Variants in FLNA observed in about 807,000 individuals in gnomAD.
FLNA encodes the protein filamin A.
FLNA carries 7 observed loss-of-function variants against 157.6 expected under a neutral mutation model. That is an observed-to-expected ratio of 0.04 (90% CI 0.03 to 0.08). FLNA has a LOEUF of 0.08. Among genes scored for constraint, FLNA ranks in the 10% least tolerant of loss-of-function variants. The probability of loss-of-function intolerance (pLI) is 1.00; values close to 1 mark genes in which losing one functional copy is unlikely to be tolerated. For synonymous variants in FLNA, 1,103 were observed against 1,060.8 expected, an observed-to-expected ratio of 1.04 and a Z score of -0.77; for missense variants, 1,750 against 2,398.4, an observed-to-expected ratio of 0.73 and a Z score of 5.65.
chrX:154,363,417 CAAA>C (rs1267624154), intron 15 of FLNA, among the ~76,000 whole-genome samples: 1 of 67,080 alleles, frequency 1.5e-5, no homozygotes, highest in African/African-American at 5.7e-5. Flanking sequence ...AACTCCGGCT[CAAA>C]AAAAAAAAAC....
chrX:154,355,162 C>G (rs1317564277), intron 30 of FLNA, 90 bp from the exon 31 acceptor site: 1 of 987,522 alleles, frequency 1.0e-6, no homozygotes, highest in Non-Finnish European at 1.4e-6. Context: ...ACACAGGCCT[C>G]TCATTGCCAC....
Position 154,364,697 on chromosome X carries a change from C to T in FLNA, c.1851G>A (p.Ser617=), listed in dbSNP as rs782587128. Residue 617 remains serine, a synonymous_variant, in exon 13 of 48, where the codon TCG becomes TCA. Transcript: ENST00000369850. ...TGTCGTCACATTCGATCTTAGCCTG[C>T]GATGGCCCTTCCACCGAGAAGCCTG... ...GTLGFSVEGP[S]QAKIECDDKG... The T allele has an allele frequency of 7.5e-6, 9 of 1,207,425 alleles. No homozygotes were observed. In the South Asian group the frequency reaches 8.8e-5, roughly 12 times the overall value.
Position 154,360,040 on chromosome X carries a change from G to A in FLNA, c.3755C>T (p.Ala1252Val), listed in dbSNP as rs782538253. The A allele has an allele frequency of 2.6e-5, 32 of 1,209,974 alleles. No individual in the cohort carries two copies. Among genetic ancestry groups the A allele is most frequent in the South Asian group, 5.3e-5 (3 of 56,895 alleles). ...NFPSKLQVEP[A>V]VDTSGVQCYG... is the part of the protein sequence containing the mutation. ...GCACTGGACACCGGAAGTGTCCACC[G>A]CAGGTTCCACCTGCAGCTTGCTGGG... The change falls in exon 22 of 48, where the codon GCG becomes GTG. Residue 1252 changes from alanine to valine, a missense_variant. Ala to Val is a moderately conservative substitution (Grantham distance 64). Around this residue, in one of 5 missense-constraint regions of FLNA, gnomAD observed 970 missense variants for 1,302.6 expected, o/e 0.74. Coordinates refer to ENST00000369850, the MANE Select transcript of FLNA (RefSeq NM_001110556.2).
At chrX:154,365,985 T>A (rs370586094) in intron 9 of FLNA, 39 bp downstream of exon 9, 5 of 1,152,343 alleles carry the variant, frequency 4.3e-6, no homozygotes, top group Non-Finnish European at 5.9e-6. Context: ...AGGCCCAGAC[T>A]GCAGTGCCAC....
Position 154,359,097 on chromosome X carries a change from G to A in FLNA, c.4361C>T (p.Ser1454Phe). The A allele has an allele frequency of 8.3e-7, 1 of 1,211,495 alleles. No homozygotes were observed. Among genetic ancestry groups the A allele is most frequent in the Non-Finnish European group, 1.1e-6 (1 of 895,533 alleles). ...CATGCCTGGGCTCAGGCCGGGCCCA[G>A]AGCACTTGACCTTGGACGCATCTGT... is the stretch of plus-strand genomic sequence containing the variant. ...DVTDASKVKCSGPGLSPGMVR... is the reference protein window; with the variant it reads ...DVTDASKVKCFGPGLSPGMVR... The change falls in exon 26 of 48, where the codon TCT becomes TTT. Residue 1454 changes from serine (S) to phenylalanine (F), a missense_variant. Coordinates refer to ENST00000369850, the MANE Select transcript of FLNA (RefSeq NM_001110556.2).
chrX:154,357,679 G>A, intron 28 of FLNA, 56 bp from the exon 29 acceptor site: 5 of 1,068,869 alleles, frequency 4.7e-6, no homozygotes, highest in Non-Finnish European at 6.5e-6. Context: ...CCCCGGGCCT[G>A]CCTCAGGCGC....
intron 5 of FLNA, among the ~76,000 whole-genome samples, 161 bp from the exon 6 acceptor site, chrX:154,367,011 G>A (rs1230966566): frequency 8.9e-6 from 1 of 112,241 alleles, no homozygotes; most frequent in Non-Finnish European, 1.9e-5. Context: ...TCGGGACCCA[G>A]CTGTGCTCTC....
At chrX:154,358,048 A>G (rs2067676135) in intron 28 of FLNA, 151 bp downstream of exon 28, 3 of 606,358 alleles carry the variant, frequency 4.9e-6, no homozygotes, top group Non-Finnish European at 8.0e-6. Flanking sequence ...ATCCTAAGGT[A>G]GTCACAACCT....
rs1557179297 is a variant in FLNA at position 154,366,485 on chromosome X, G to T, written c.1066-15C>A. ...AGCACAGTAACCTGTCCCCAGAAGG[G>T]TGGGCCGTGAGGGTAGGGCTGGGGG... On this transcript the variant is annotated splice_polypyrimidine_tract_variant and intron_variant, in intron 7 of 47. Transcript: ENST00000369850. 3 of 1,211,457 alleles carry T rather than the reference G, an allele frequency of 2.5e-6. No individual in the cohort carries two copies. The highest frequency in any genetic ancestry group is 3.4e-6 in the Non-Finnish European group (3 of 895,106).
chrX:154,371,456 CG>C, intron 1 of FLNA, 95 bp from the exon 2 acceptor site: 2 of 418,862 alleles, frequency 4.8e-6, no homozygotes, highest in Non-Finnish European at 8.1e-6. Context: ...GCTTCGAGGG[CG>C]CGCCTGCCCC....
Position 154,361,471 on chromosome X carries a change from G to A in FLNA, c.3044C>T (p.Ala1015Val), listed in dbSNP as rs782322036. 26 of 1,208,899 alleles carry A rather than the reference G, an allele frequency of 2.2e-5. No homozygotes were observed. Among genetic ancestry groups the A allele is most frequent in the South Asian group, 1.2e-4 (7 of 56,826 alleles). Residue 1015 changes from alanine (A) to valine (V), a missense_variant, in exon 21 of 48, where the codon GCG becomes GTG. Physicochemically the swap from Ala to Val is moderately conservative, Grantham distance 64 (BLOSUM62 0). Around this residue, in one of 5 missense-constraint regions of FLNA, gnomAD observed 648 missense variants for 805.8 expected, o/e 0.80. Transcript: ENST00000369850. The part of the protein sequence containing the change: ...ASKIVGPSGA[A>V]VPCKVEPGLG... ...GCCTGGCTCCACCTTGCAGGGCACCGCTGCACCCGAGGGGCCCACAATCTT... is the reference window on the plus strand; with the variant it reads ...GCCTGGCTCCACCTTGCAGGGCACCACTGCACCCGAGGGGCCCACAATCTT...
chrX:154,362,909 A>T, intron 15 of FLNA, 125 bp from the exon 16 acceptor site: 1 of 747,695 alleles, frequency 1.3e-6, no homozygotes, highest in Non-Finnish European at 1.9e-6. Context: ...GCAGTTCCTC[A>T]GTTGACCACA....
chrX:154,369,709 C>A (rs2067790669), intron 2 of FLNA, among the ~76,000 whole-genome samples: 1 of 111,951 alleles, frequency 8.9e-6, no homozygotes, highest in Non-Finnish European at 1.9e-5. Context: ...CACATCCGGT[C>A]GCCCCCCCTA....
At position 154,366,320 on chromosome X, in the gene FLNA, T is replaced by A; in HGVS notation, c.1216A>T (p.Ile406Phe). Residue 406 changes from isoleucine to phenylalanine, a missense_variant, in exon 8 of 48, where the codon ATC (isoleucine) becomes TTC (phenylalanine). This residue lies in a region of FLNA where 648 missense variants were observed against 805.8 expected (regional missense o/e 0.80). Coordinates refer to ENST00000369850, the MANE Select transcript of FLNA (RefSeq NM_001110556.2). Reference sequence around the variant, plus strand: ...AGCCTCCCCTCACCTGCCGTAAAGATCTCAAAGTAGGTGGTCTTGTTGGCG... The same window carrying A: ...AGCCTCCCCTCACCTGCCGTAAAGAACTCAAAGTAGGTGGTCTTGTTGGCG... Reference protein sequence around the residue: ...NIANKTTYFEIFTAGAGTGEV... With the variant: ...NIANKTTYFEFFTAGAGTGEV... The A allele has an allele frequency of 8.3e-7, 1 of 1,211,873 alleles. No individual in the cohort carries two copies. Among genetic ancestry groups the A allele is most frequent in the Non-Finnish European group, 1.1e-6 (1 of 895,490 alleles).
At chrX:154,374,164 T>C (rs913084101) in intron 1 of FLNA, among the ~76,000 whole-genome samples, 6 of 112,372 alleles carry the variant, frequency 5.3e-5, no homozygotes, top group Non-Finnish European at 1.1e-4. Context: ...CACAAGTTCC[T>C]GGTGTCAGGG....
chrX:154,361,221 G>T, intron 21 of FLNA, 87 bp downstream of exon 21: 2 of 891,496 alleles, frequency 2.2e-6, no homozygotes, highest in Non-Finnish European at 3.2e-6. Flanking sequence ...AAAGGATTTA[G>T]GGCAGGTCTG....
intron 30 of FLNA, among the ~76,000 whole-genome samples, chrX:154,356,958 A>C (rs893109411): frequency 8.9e-6 from 1 of 112,012 alleles, no homozygotes; most frequent in Non-Finnish European, 1.9e-5. Context: ...CAAAGTCCCC[A>C]GTGGGGTGCC....
At chrX:154,363,573 G>T (rs927779056) in intron 15 of FLNA, among the ~76,000 whole-genome samples, 4 of 110,125 alleles carry the variant, frequency 3.6e-5, no homozygotes, top group Admixed American at 9.6e-5. Flanking sequence ...AATTAGCCGG[G>T]GGGGTGGCGG....
In FLNA at chrX:154,362,797, G is replaced by A; in HGVS notation, c.2281-13C>T. ...CTCCCACATTCACCTGCAGGGCACA[G>A]GGGCAAGGGCAAGGGCATGAGCAGC... is the stretch of plus-strand genomic sequence containing the variant. On this transcript the variant is annotated splice_polypyrimidine_tract_variant and intron_variant, in intron 15 of 47. Coordinates refer to ENST00000369850, the MANE Select transcript of FLNA (RefSeq NM_001110556.2). The A allele has an allele frequency of 8.4e-7, 1 of 1,193,762 alleles. No individual in the cohort carries two copies. Among genetic ancestry groups the A allele is most frequent in the Non-Finnish European group, 1.1e-6 (1 of 886,553 alleles).
Sources: gnomAD v4.1 joint callset for allele counts (sites outside exome capture counted in the v4.1 genomes callset) on GRCh38, gnomAD v4.1.1 for gene constraint, gnomAD v4.1.1 regional missense constraint, MANE v1.5 for transcripts, NCBI Gene and HGNC (gene_info 2026-07-23, HGNC 2026-07-21) for gene names.